The following ADAM12 variants were observed in gnomAD, a reference collection of about 807,000 sequenced individuals.
The protein encoded by ADAM12 is disintegrin and metalloproteinase domain-containing protein 12.
A neutral mutation model predicts 106.4 loss-of-function variants in ADAM12; 70 were observed. The ratio of observed to expected loss-of-function variants is 0.66; its 90% CI spans 0.54 to 0.80. ADAM12 has a LOEUF of 0.80. ADAM12 is among the 30% of genes least tolerant of loss of function. The probability of loss-of-function intolerance (pLI) is 0.00; values close to 1 mark genes in which losing one functional copy is unlikely to be tolerated. For synonymous variants in ADAM12, 420 were observed against 433.5 expected (o/e 0.97, Z 0.39); for missense variants, 1,010 against 1,171.9 (o/e 0.86, Z 2.02).
At chr10:126,314,608 T>C (rs1430267479) in intron 2 of ADAM12, among the ~76,000 whole-genome samples, 2 of 152,188 alleles carry the variant, frequency 1.3e-5, no homozygotes, top group African/African-American at 2.4e-5. Flanking sequence ...CCATTGTCTA[T>C]ATAAAATTTT....
intron 2 of ADAM12, among the ~76,000 whole-genome samples, chr10:126,287,645 C>T (rs1005887930): frequency 1.3e-5 from 2 of 151,976 alleles, no homozygotes; most frequent in African/African-American, 4.8e-5. Context: ...GTTCCCGAAG[C>T]TTCTGGGTCC....
chr10:126,027,185 A>G (rs1430713714), intron 21 of ADAM12, among the ~76,000 whole-genome samples: 1 of 152,200 alleles, frequency 6.6e-6, no homozygotes, highest in Admixed American at 6.5e-5. Flanking sequence ...GAAGAAATTG[A>G]ATCCCTGAAT....
At chr10:126,238,477 TCAAACAAA>T (rs750062554) in intron 3 of ADAM12, among the ~76,000 whole-genome samples, 4 of 152,252 alleles carry the variant, frequency 2.6e-5, no homozygotes, top group African/African-American at 4.8e-5. Flanking sequence ...AAACTCCATC[TCAAACAAA>T]CAAACAAACA....
intron 3 of ADAM12, among the ~76,000 whole-genome samples, chr10:126,263,610 G>A (rs1212120855): frequency 2.0e-5 from 3 of 152,104 alleles, no homozygotes; most frequent in African/African-American, 7.2e-5. Flanking sequence ...TTTGTTGGTG[G>A]GCGGGGAGGG....
chr10:126,125,073 T>G (rs530626872), intron 5 of ADAM12, among the ~76,000 whole-genome samples: 1 of 152,070 alleles, frequency 6.6e-6, no homozygotes, highest in East Asian at 1.9e-4. Flanking sequence ...AAGCATGCAA[T>G]CCAATGGTTT....
intron 3 of ADAM12, among the ~76,000 whole-genome samples, chr10:126,203,743 A>T (rs1305858170): frequency 2.6e-5 from 4 of 152,238 alleles, no homozygotes; most frequent in Non-Finnish European, 5.9e-5. Context: ...ACTGCTTAGC[A>T]GAACTATTTA....
intron 14 of ADAM12, among the ~76,000 whole-genome samples, chr10:126,055,871 C>G (rs980542307): frequency 2.6e-5 from 4 of 152,214 alleles, no homozygotes; most frequent in African/African-American, 9.7e-5. Context: ...CACGGCCTAC[C>G]CCCTGCACCT....
At chr10:126,086,363 C>T (rs1955340931) in intron 11 of ADAM12, among the ~76,000 whole-genome samples, 1 of 151,952 alleles carries the variant, frequency 6.6e-6, no homozygotes, top group African/African-American at 2.4e-5. Context: ...GTTCATTTAA[C>T]ACTCTGAGCT....
chr10:126,165,909 G>A (rs572791416), intron 3 of ADAM12, among the ~76,000 whole-genome samples: 16 of 152,280 alleles, frequency 1.1e-4, no homozygotes, highest in Non-Finnish European at 1.8e-4. Context: ...AAGAACAATG[G>A]AGCACGTACA....
intron 11 of ADAM12, among the ~76,000 whole-genome samples, chr10:126,080,396 C>G (rs1955188723): frequency 6.6e-6 from 1 of 152,174 alleles, no homozygotes; most frequent in African/African-American, 2.4e-5. Flanking sequence ...CAGCAGCTAA[C>G]TGAAGTGACC....
chr10:126,234,802 C>T lies in ADAM12; in HGVS notation c.260+44113G>A, dbSNP rs972582267. On this transcript the variant is annotated intron_variant, in intron 3 of 22. Transcript: ENST00000448723. Reference sequence around the variant, plus strand: ...ATGGAGGGAGGATGGATCAGGCCAACGCTCACACCAGGCAATAACCAAGGA... The same window carrying T: ...ATGGAGGGAGGATGGATCAGGCCAATGCTCACACCAGGCAATAACCAAGGA... Among the ~76,000 whole-genome samples the T allele has an allele frequency of 3.9e-5, 6 of 152,154 alleles. 1 individual carries two copies. The South Asian group carries it at 6.2e-4, about 16-fold the overall frequency.
chr10:126,303,534 T>C (rs1960715599), intron 2 of ADAM12, among the ~76,000 whole-genome samples: 1 of 152,146 alleles, frequency 6.6e-6, no homozygotes, highest in Non-Finnish European at 1.5e-5. Context: ...TCAGGGCAAT[T>C]AAGAAAATCA....
At chr10:126,067,693 A>C (rs1192943691) in intron 12 of ADAM12, among the ~76,000 whole-genome samples, 2 of 152,242 alleles carry the variant, frequency 1.3e-5, no homozygotes, top group Non-Finnish European at 2.9e-5. Context: ...TTTTAGAAGA[A>C]ATGTAATTAT....
At chr10:126,054,279 G>C (rs555011033) in intron 14 of ADAM12, among the ~76,000 whole-genome samples, 1 of 152,336 alleles carries the variant, frequency 6.6e-6, no homozygotes, top group East Asian at 1.9e-4. Context: ...AAAATGGGAT[G>C]AAGTCACAGC....
chr10:126,158,196 T>A (rs1420629623), intron 3 of ADAM12, among the ~76,000 whole-genome samples: 6 of 22,704 alleles, frequency 2.6e-4, no homozygotes, highest in South Asian at 5.6e-3. Flanking sequence ...CACAGAGGGA[T>A]ACACACAACA....
chr10:126,123,144 G>T (rs1396059599), intron 5 of ADAM12, among the ~76,000 whole-genome samples: 1 of 152,142 alleles, frequency 6.6e-6, no homozygotes, highest in Non-Finnish European at 1.5e-5. Context: ...GACTGTCTTG[G>T]GTATAATTAA....
At chr10:126,201,714 G>A (rs1301784208) in intron 3 of ADAM12, among the ~76,000 whole-genome samples, 1 of 152,190 alleles carries the variant, frequency 6.6e-6, no homozygotes, top group African/African-American at 2.4e-5. Context: ...ACAGAGCTGA[G>A]AAGCCATTCT....
intron 21 of ADAM12, among the ~76,000 whole-genome samples, chr10:126,025,648 C>T (rs1953858296): frequency 6.6e-6 from 1 of 152,050 alleles, no homozygotes; most frequent in Non-Finnish European, 1.5e-5. Context: ...GACTGTTAAA[C>T]AGAAAATGAC....
chr10:126,058,579 G>T (rs2133463213), intron 14 of ADAM12, among the ~76,000 whole-genome samples: 1 of 152,326 alleles, frequency 6.6e-6, no homozygotes, highest in South Asian at 2.1e-4. Flanking sequence ...GCTGAGTGCT[G>T]ACCTTGGGAG....
Sources: gnomAD v4.1 joint callset for allele counts (sites outside exome capture counted in the v4.1 genomes callset) on GRCh38, gnomAD v4.1.1 for gene constraint, MANE v1.5 for transcripts, NCBI Gene and HGNC (gene_info 2026-07-23, HGNC 2026-07-21) for gene names.